FAM81A: variants seen among roughly 807,000 people sequenced by gnomAD.
FAM81A encodes protein FAM81A.
FAM81A carries 19 observed loss-of-function variants against 46.7 expected under a neutral mutation model. That is an observed-to-expected ratio of 0.41 (90% CI 0.28 to 0.60). The LOEUF (loss-of-function observed/expected upper bound fraction) is 0.60. FAM81A is among the 20% of genes least tolerant of loss of function. The pLI is 0.34. For synonymous variants in FAM81A, 183 were observed against 152.9 expected (o/e 1.20, Z -1.45); for missense variants, 377 against 453.5 (o/e 0.83, Z 1.53).
Position 59,508,903 on chromosome 15 carries a change from A to C in FAM81A, c.584A>C (p.Glu195Ala). The C allele has an allele frequency of 6.2e-7, 1 of 1,613,556 alleles. No homozygotes were observed. ...AACAGAGTGGACTTGTCAATATCAGAGCAGAGCACCAAACTGAAGATGTCT... is the reference window on the plus strand; with the variant it reads ...AACAGAGTGGACTTGTCAATATCAGCGCAGAGCACCAAACTGAAGATGTCT... Reference protein sequence around the residue: ...LLNRVDLSISEQSTKLKMSHR... With the variant: ...LLNRVDLSISAQSTKLKMSHR... Residue 195 changes from glutamate to alanine, a missense_variant, in exon 6 of 9, where the codon GAG becomes GCG. Glu to Ala is a moderately radical substitution (Grantham distance 107). Transcript: ENST00000288228.
chr15:59,483,984 G>C (rs2081886576), intron 3 of FAM81A, among the ~76,000 whole-genome samples: 1 of 152,132 alleles, frequency 6.6e-6, no homozygotes, highest in Non-Finnish European at 1.5e-5. Context: ...CATCCTCCTG[G>C]TACCTCACCT....
chr15:59,493,880 G>A (rs902114507), intron 4 of FAM81A, among the ~76,000 whole-genome samples: 30 of 152,074 alleles, frequency 2.0e-4, no homozygotes, highest in Non-Finnish European at 2.2e-4. Context: ...GAGCCACCGC[G>A]CCCGGCCTCC....
intron 2 of FAM81A, among the ~76,000 whole-genome samples, chr15:59,414,898 C>G (rs1295645784): frequency 2.0e-5 from 3 of 151,918 alleles, no homozygotes; most frequent in Admixed American, 6.6e-5. Context: ...TCACTGCAAG[C>G]TCCGCCTCCC....
intron 1 of FAM81A, among the ~76,000 whole-genome samples, chr15:59,454,149 C>G (rs930248763): frequency 6.6e-6 from 1 of 152,178 alleles, no homozygotes; most frequent in Non-Finnish European, 1.5e-5. Context: ...CTGTTTTTAG[C>G]TATAAGGAAA....
Position 59,457,276 on chromosome 15 carries a change from G to A in FAM81A, c.-77-1274G>A, listed in dbSNP as rs374612294. 1.8e-4 allele frequency among the ~76,000 whole-genome samples: 27 copies of A among 152,276 alleles called. No homozygotes were observed. The East Asian group carries it at 4.2e-3, about 24-fold the overall frequency. ...ATCCTGCTCCCTCCTGCCCAGAACG[G>A]GAATCATCCTCTTGTCCAGCATATC... On this transcript the variant is annotated intron_variant, in intron 1 of 8. Coordinates refer to ENST00000288228, the MANE Select transcript of FAM81A (RefSeq NM_152450.3).
chr15:59,410,406 A>T (rs535128504), intron 2 of FAM81A, among the ~76,000 whole-genome samples: 1 of 152,360 alleles, frequency 6.6e-6, no homozygotes, highest in South Asian at 2.1e-4. Flanking sequence ...TAGTAGAGCT[A>T]GCTGAATTCA....
rs1346039300 is a variant in FAM81A, at chr15:59,523,266, C to T, written c.*1888C>T. The T allele has an allele frequency of 3.3e-5, 5 of 152,380 alleles. No individual in the cohort carries two copies. The highest frequency in any genetic ancestry group is 1.3e-4 in the Admixed American group (2 of 15,304). 9.4% of individuals were successfully genotyped at this position (152,380 alleles called of 1,614,324 possible). ...TTGCCAGCCCCTTGAGATGAGCCAC[C>T]GCAGGTGTGCTCACCTTGGCTACAT... On this transcript the variant is annotated 3_prime_UTR_variant, in exon 9 of 9. Transcript: ENST00000288228.
intron 3 of FAM81A, among the ~76,000 whole-genome samples, chr15:59,486,586 G>C (rs1375535767): frequency 1.3e-5 from 2 of 152,102 alleles, no homozygotes; most frequent in Non-Finnish European, 2.9e-5. Context: ...TTAACTCAAA[G>C]AAGACCACCT....
chr15:59,485,693 A>G (rs1178456011), intron 3 of FAM81A, among the ~76,000 whole-genome samples: 2 of 152,254 alleles, frequency 1.3e-5, no homozygotes, highest in African/African-American at 2.4e-5. Flanking sequence ...ATCCACAAGC[A>G]TCAAGACCAT....
Position 59,460,274 on chromosome 15 carries a change from C to T in FAM81A, c.294+68C>T, listed in dbSNP as rs890332198. 6.3e-7 allele frequency: 1 copy of T among 1,594,502 alleles called. No individual in the cohort carries two copies. The highest frequency in any genetic ancestry group is 8.6e-7 in the Non-Finnish European group (1 of 1,163,360). Reference sequence around the variant, plus strand: ...GAATTGCTCCATGTCAGGAGGTCACCCACATCTAACTCCTACCTCCCAGGC... The same window carrying T: ...GAATTGCTCCATGTCAGGAGGTCACTCACATCTAACTCCTACCTCCCAGGC... On this transcript the variant is annotated intron_variant, in intron 3 of 8. Transcript: ENST00000288228. The surrounding 1 kb of genome is among the most constrained non-coding windows in gnomAD (Gnocchi z 4.4).
chr15:59,427,165 C>T (rs1165315294), intron 2 of FAM81A, among the ~76,000 whole-genome samples: 1 of 152,144 alleles, frequency 6.6e-6, no homozygotes, highest in African/African-American at 2.4e-5. Flanking sequence ...GGCTGGAGTG[C>T]AGTGGCCTGA....
intron 2 of FAM81A, among the ~76,000 whole-genome samples, chr15:59,426,603 ACT>A (rs1596465906): frequency 6.6e-6 from 1 of 152,190 alleles, no homozygotes; most frequent in East Asian, 1.9e-4. Context: ...CAAGAGCGAA[ACT>A]CTGTCTCAAA....
chr15:59,492,525 C>T lies in FAM81A; in HGVS notation c.413+136C>T. ...TAGTACATTCCCTCCCTGCTTTGGC[C>T]ATAAAATCCAGTGGTAGGAGTTAAA... On this transcript the variant is annotated intron_variant, in intron 4 of 8. Coordinates refer to ENST00000288228, the MANE Select transcript of FAM81A (RefSeq NM_152450.3). The T allele has an allele frequency of 5.8e-6, 4 of 684,632 alleles. No individual in the cohort carries two copies. In the South Asian group the frequency reaches 7.8e-5, roughly 13 times the overall value. 42.4% of individuals were successfully genotyped at this position (684,632 alleles called of 1,614,324 possible).
chr15:59,510,966 G>T (rs1160771948), intron 6 of FAM81A, among the ~76,000 whole-genome samples: 2 of 151,806 alleles, frequency 1.3e-5, no homozygotes, highest in South Asian at 2.1e-4. Flanking sequence ...TGGCCAACAT[G>T]GTGAAATCCT....
At chr15:59,513,850 G>A (rs1481472119) in intron 6 of FAM81A, among the ~76,000 whole-genome samples, 1 of 151,922 alleles carries the variant, frequency 6.6e-6, no homozygotes, top group Non-Finnish European at 1.5e-5. Flanking sequence ...TGATAGACTA[G>A]ATAAAGAAAA....
At position 59,409,467 on chromosome 15, in the gene FAM81A, A is replaced by G. The variant is rs1451808642; in HGVS notation, c.-78+7109A>G. 2.6e-5 allele frequency among the ~76,000 whole-genome samples: 4 copies of G among 151,904 alleles called. No homozygotes were observed. The East Asian group carries it at 7.7e-4, about 29-fold the overall frequency. On this transcript the variant is annotated intron_variant, in intron 2 of 4. Transcript: ENST00000558348. ...GGTTCATTCCAACCCCTTCATCCCCATTTCTCTTCTTGGCAGGAACAAAGT... is the reference window on the plus strand; with the variant it reads ...GGTTCATTCCAACCCCTTCATCCCCGTTTCTCTTCTTGGCAGGAACAAAGT...
At chr15:59,505,619 C>T (rs2082141029) in intron 4 of FAM81A, among the ~76,000 whole-genome samples, 1 of 152,090 alleles carries the variant, frequency 6.6e-6, no homozygotes, top group South Asian at 2.1e-4. Context: ...GGATGTACAC[C>T]TCACATCTGC....
intron 3 of FAM81A, among the ~76,000 whole-genome samples, chr15:59,470,230 T>C (rs1317790675): frequency 5.9e-5 from 9 of 152,324 alleles, no homozygotes; most frequent in Non-Finnish European, 1.5e-5. Flanking sequence ...GTTCTCTGTA[T>C]TTCCTGAATT....
chr15:59,488,822 C>T (rs144354819), intron 3 of FAM81A, among the ~76,000 whole-genome samples: 3,450 of 151,830 alleles, frequency 0.023, 48 homozygotes, highest in Non-Finnish European at 0.032. Flanking sequence ...ACCAAAAATA[C>T]GATAAAATAG....
Sources: gnomAD v4.1 joint callset for allele counts (sites outside exome capture counted in the v4.1 genomes callset) on GRCh38, gnomAD v4.1.1 for gene constraint, Gnocchi (gnomAD v3.1) non-coding constraint, MANE v1.5 for transcripts, NCBI Gene and HGNC (gene_info 2026-07-23, HGNC 2026-07-21) for gene names.